The following SLC25A21 variants were observed in gnomAD, a reference collection of about 807,000 sequenced individuals.
The protein encoded by SLC25A21 is solute carrier family 25 member 21, also known as mitochondrial 2-oxodicarboxylate carrier.
In SLC25A21, 47 loss-of-function variants were observed where a neutral mutation model predicts 43.8. The ratio of observed to expected loss-of-function variants is 1.07; its 90% CI spans 0.85 to 1.37. The LOEUF is 1.37. Ranked by LOEUF, SLC25A21 falls within the 40% of genes most tolerant of loss-of-function variation. The probability of loss-of-function intolerance (pLI) is 0.00; values close to 1 mark genes in which losing one functional copy is unlikely to be tolerated. For missense variants in SLC25A21, 352 were observed against 350.2 expected (o/e 1.00, Z -0.04); for synonymous variants, 131 against 121.3 (o/e 1.08, Z -0.52).
At chr14:37,063,243 T>A (rs1961988185) in intron 1 of SLC25A21, among the ~76,000 whole-genome samples, 1 of 152,084 alleles carries the variant, frequency 6.6e-6, no homozygotes, top group South Asian at 2.1e-4. Context: ...CTCACACCTG[T>A]AATCCCAGCA....
chr14:36,776,100 T>A (rs1424125182), intron 3 of SLC25A21, among the ~76,000 whole-genome samples: 1 of 152,032 alleles, frequency 6.6e-6, no homozygotes, highest in Non-Finnish European at 1.5e-5. Context: ...TATTGGAACT[T>A]CTCTTGGAAG....
intron 1 of SLC25A21, among the ~76,000 whole-genome samples, chr14:37,061,286 C>A (rs1047258706): frequency 6.6e-6 from 1 of 152,148 alleles, no homozygotes; most frequent in African/African-American, 2.4e-5. Flanking sequence ...GCAACTGGTC[C>A]CAAGCAACAG....
At chr14:37,158,386 A>T (rs1234895936) in intron 1 of SLC25A21, among the ~76,000 whole-genome samples, 1 of 152,210 alleles carries the variant, frequency 6.6e-6, no homozygotes, top group East Asian at 1.9e-4. Context: ...ATACACCATT[A>T]TCAAACAGGA....
intron 1 of SLC25A21, among the ~76,000 whole-genome samples, chr14:36,895,518 G>GT (rs1891213441): frequency 6.6e-6 from 1 of 152,100 alleles, no homozygotes; most frequent in Non-Finnish European, 1.5e-5. Flanking sequence ...TTTTTGAAGG[G>GT]TTTTTTGTGT....
intron 3 of SLC25A21, among the ~76,000 whole-genome samples, chr14:36,741,788 C>T (rs1001363288): frequency 1.4e-4 from 22 of 152,170 alleles, no homozygotes; most frequent in South Asian, 4.1e-4. Context: ...ATAATACTCA[C>T]CAGTGAAGCA....
intron 3 of SLC25A21, among the ~76,000 whole-genome samples, chr14:36,801,356 G>C (rs1023711084): frequency 6.6e-6 from 1 of 152,062 alleles, no homozygotes; most frequent in Non-Finnish European, 1.5e-5. Context: ...TCTTCACCAG[G>C]ATCTTTACTC....
intron 1 of SLC25A21, among the ~76,000 whole-genome samples, chr14:37,042,733 T>C (rs562899723): frequency 6.6e-6 from 1 of 152,244 alleles, no homozygotes; most frequent in Non-Finnish European, 1.5e-5. Context: ...AACATACCTA[T>C]TGTGTAAACC....
intron 1 of SLC25A21, among the ~76,000 whole-genome samples, chr14:37,105,170 T>C (rs534998181): frequency 6.6e-6 from 1 of 152,314 alleles, no homozygotes; most frequent in East Asian, 1.9e-4. Context: ...TCCTCCAGTA[T>C]AAACAAGTGT....
At chr14:36,957,055 T>C (rs1288091957) in intron 1 of SLC25A21, among the ~76,000 whole-genome samples, 1 of 152,240 alleles carries the variant, frequency 6.6e-6, no homozygotes, top group Non-Finnish European at 1.5e-5. Flanking sequence ...CGATGCTATT[T>C]GTTGCCAAAG....
At chr14:37,003,465 AG>A (rs780262210) in intron 1 of SLC25A21, among the ~76,000 whole-genome samples, 1 of 152,174 alleles carries the variant, frequency 6.6e-6, no homozygotes, top group African/African-American at 2.4e-5. Flanking sequence ...TGCGGATAAG[AG>A]GGGGGGACTA....
At chr14:36,879,650 C>T (rs1389214903) in intron 1 of SLC25A21, among the ~76,000 whole-genome samples, 1 of 152,062 alleles carries the variant, frequency 6.6e-6, no homozygotes, top group Admixed American at 6.6e-5. Flanking sequence ...CATGCCTTCG[C>T]CTGAGCCAAT....
At chr14:36,794,278 T>C (rs779464864) in intron 3 of SLC25A21, among the ~76,000 whole-genome samples, 29 of 151,922 alleles carry the variant, frequency 1.9e-4, no homozygotes, top group Admixed American at 8.5e-4. Context: ...TCCAGGAGTG[T>C]TTTTATTTCC....
chr14:36,886,144 A>G (rs1890905915), intron 1 of SLC25A21, among the ~76,000 whole-genome samples: 1 of 152,222 alleles, frequency 6.6e-6, no homozygotes, highest in African/African-American at 2.4e-5. Flanking sequence ...GCAAATCATT[A>G]CAACATCCTA....
In SLC25A21 at chr14:36,766,689, C is replaced by T. The variant is rs147618712; in HGVS notation, c.204-32116G>A. 2.3e-3 allele frequency among the ~76,000 whole-genome samples: 357 copies of T among 152,196 alleles called. 1 individual carries two copies. Among genetic ancestry groups the T allele is most frequent in the Middle Eastern group, 6.8e-3 (2 of 294 alleles). On this transcript the variant is annotated intron_variant, in intron 3 of 9. Coordinates refer to ENST00000331299, the MANE Select transcript of SLC25A21 (RefSeq NM_030631.4). ...CATTTGCTCTGGTTTCTCCATGTATCGACTCTCATTTCAGCACCCAAGAGG... is the reference window on the plus strand; with the variant it reads ...CATTTGCTCTGGTTTCTCCATGTATTGACTCTCATTTCAGCACCCAAGAGG...
At chr14:36,938,289 G>A (rs749546593) in intron 1 of SLC25A21, among the ~76,000 whole-genome samples, 10 of 152,134 alleles carry the variant, frequency 6.6e-5, no homozygotes, top group Non-Finnish European at 1.3e-4. Flanking sequence ...TAGGCACAGA[G>A]TGGACTGTGC....
intron 1 of SLC25A21, among the ~76,000 whole-genome samples, chr14:37,119,283 T>C (rs1963162380): frequency 6.6e-6 from 1 of 152,154 alleles, no homozygotes; most frequent in Non-Finnish European, 1.5e-5. Flanking sequence ...GCACAGTGGC[T>C]CATGCCTGTA....
intron 1 of SLC25A21, among the ~76,000 whole-genome samples, chr14:37,161,259 G>A (rs770711922): frequency 2.0e-5 from 3 of 152,076 alleles, no homozygotes; most frequent in South Asian, 2.1e-4. Flanking sequence ...GATCAGTGAC[G>A]TGAAATTCTG....
chr14:36,815,007 A>G (rs1888405142), intron 2 of SLC25A21, among the ~76,000 whole-genome samples: 1 of 152,228 alleles, frequency 6.6e-6, no homozygotes, highest in South Asian at 2.1e-4. Context: ...GAATGAGTTC[A>G]CGTCCTTTGC....
At chr14:37,034,651 C>T (rs1234201121) in intron 1 of SLC25A21, among the ~76,000 whole-genome samples, 2 of 152,174 alleles carry the variant, frequency 1.3e-5, no homozygotes, top group Non-Finnish European at 2.9e-5. Context: ...AAAACACCCG[C>T]GTGCATCCAC....
Sources: allele counts gnomAD v4.1 joint callset (sites outside exome capture counted in the v4.1 genomes callset), GRCh38; gene constraint gnomAD v4.1.1; transcripts MANE v1.5; gene names NCBI Gene and HGNC (gene_info 2026-07-23, HGNC 2026-07-21).